The following PRKG1 variants were observed in gnomAD, a reference collection of about 807,000 sequenced individuals.
PRKG1 encodes cGMP-dependent protein kinase 1.
A neutral mutation model predicts 88.1 loss-of-function variants in PRKG1; 35 were observed. That is an observed-to-expected ratio of 0.40 (90% CI 0.30 to 0.53). PRKG1 has a LOEUF of 0.53. Ranked by LOEUF, PRKG1 falls within the 20% of genes least tolerant of loss-of-function variation. PRKG1 has a pLI of 0.59. For synonymous variants in PRKG1, 303 were observed against 292.5 expected, an observed-to-expected ratio of 1.04 and a Z score of -0.37; for missense variants, 540 against 839.8, an observed-to-expected ratio of 0.64 and a Z score of 4.41.
intron 1 of PRKG1, among the ~76,000 whole-genome samples, chr10:51,126,471 T>A (rs1488813475): frequency 1.4e-5 from 2 of 141,836 alleles, no homozygotes; most frequent in Non-Finnish European, 3.1e-5. Context: ...TTATTTATAA[T>A]TATATAATCT....
At chr10:51,105,332 A>G (rs1009371031) in intron 1 of PRKG1, among the ~76,000 whole-genome samples, 2 of 152,232 alleles carry the variant, frequency 1.3e-5, no homozygotes, top group African/African-American at 4.8e-5. Flanking sequence ...AAAATGGTAT[A>G]ATTTATTGGT....
chr10:51,053,140 G>T (rs1406298687), intron 1 of PRKG1, among the ~76,000 whole-genome samples: 8 of 152,032 alleles, frequency 5.3e-5, no homozygotes, highest in Admixed American at 5.2e-4. Flanking sequence ...TGAGGCAGGA[G>T]AATTGCTTGA....
intron 7 of PRKG1, among the ~76,000 whole-genome samples, chr10:52,095,599 C>T (rs935716881): frequency 1.3e-5 from 2 of 152,042 alleles, no homozygotes; most frequent in African/African-American, 4.8e-5. Context: ...CTAACAGTAG[C>T]CATTTAATAA....
intron 3 of PRKG1, among the ~76,000 whole-genome samples, chr10:51,558,997 G>C (rs1350238884): frequency 1.3e-5 from 2 of 152,050 alleles, no homozygotes; most frequent in African/African-American, 4.8e-5. Context: ...GAGAAAAAGA[G>C]AACAGAAGAG....
At chr10:51,159,971 A>G (rs1846318906) in intron 2 of PRKG1, among the ~76,000 whole-genome samples, 1 of 152,172 alleles carries the variant, frequency 6.6e-6, no homozygotes, top group South Asian at 2.1e-4. Flanking sequence ...TGATGGCAAG[A>G]ACCTTATCTC....
chr10:51,716,292 G>A (rs1185801006), intron 3 of PRKG1, among the ~76,000 whole-genome samples: 2 of 152,114 alleles, frequency 1.3e-5, no homozygotes, highest in African/African-American at 4.8e-5. Flanking sequence ...CGTCACCCCT[G>A]TTTTTGATAA....
intron 3 of PRKG1, among the ~76,000 whole-genome samples, chr10:51,607,160 AC>A (rs1838788239): frequency 6.6e-6 from 1 of 152,214 alleles, no homozygotes; most frequent in African/African-American, 2.4e-5. Context: ...GTAGACTCTC[AC>A]TGAGAGGCTT....
At chr10:51,570,067 A>ATATATGTGTGTGTGTGTG (rs1491310201) in intron 3 of PRKG1, among the ~76,000 whole-genome samples, 1 of 113,078 alleles carries the variant, frequency 8.8e-6, no homozygotes, top group African/African-American at 3.6e-5. Context: ...ATATATATAT[A>ATATATGTGTGTGTGTGTG]TGTGTGTGTG....
intron 3 of PRKG1, among the ~76,000 whole-genome samples, chr10:51,672,956 T>A (rs1407781314): frequency 6.6e-6 from 1 of 152,198 alleles, no homozygotes; most frequent in Non-Finnish European, 1.5e-5. Flanking sequence ...TGTTCAAGGA[T>A]CTCAGTTGTA....
At chr10:52,099,035 A>G (rs1847237462) in intron 7 of PRKG1, among the ~76,000 whole-genome samples, 1 of 152,220 alleles carries the variant, frequency 6.6e-6, no homozygotes, top group African/African-American at 2.4e-5. Flanking sequence ...TTCTTTGGCT[A>G]TATTTCTTAA....
chr10:51,259,128 G>A (rs746172788), intron 2 of PRKG1, among the ~76,000 whole-genome samples: 3 of 152,074 alleles, frequency 2.0e-5, no homozygotes, highest in East Asian at 3.9e-4. Context: ...TTAAAATACA[G>A]CATATTTTTG....
intron 1 of PRKG1, among the ~76,000 whole-genome samples, chr10:51,053,075 C>CA (rs1843584641): frequency 6.6e-6 from 1 of 151,912 alleles, no homozygotes; most frequent in Non-Finnish European, 1.5e-5. Context: ...ACTAAAAATA[C>CA]AAAAAACAAC....
chr10:51,035,816 G>A (rs868653723), intron 1 of PRKG1, among the ~76,000 whole-genome samples: 23 of 151,846 alleles, frequency 1.5e-4, no homozygotes, highest in African/African-American at 4.8e-4. Flanking sequence ...CTATTATCTA[G>A]CAATAACCAT....
At chr10:51,761,425 TG>T (rs377106044) in intron 3 of PRKG1, among the ~76,000 whole-genome samples, 46 of 152,334 alleles carry the variant, frequency 3.0e-4, no homozygotes, top group African/African-American at 1.0e-3. Flanking sequence ...AGTATCTAAC[TG>T]TGTAAATGGG....
At chr10:51,406,946 T>C (rs577863467) in intron 2 of PRKG1, among the ~76,000 whole-genome samples, 27 of 152,302 alleles carry the variant, frequency 1.8e-4, no homozygotes, top group Admixed American at 9.1e-4. Context: ...GTTCCAAAAC[T>C]GAAAAACTTG....
At chr10:52,013,751 T>G (rs1380383922) in intron 5 of PRKG1, among the ~76,000 whole-genome samples, 1 of 152,214 alleles carries the variant, frequency 6.6e-6, no homozygotes, top group African/African-American at 2.4e-5. Flanking sequence ...ATTTTAGAAA[T>G]AGCAGTGGCT....
chr10:51,751,935 CAAAT>C (rs1174434921), intron 3 of PRKG1, among the ~76,000 whole-genome samples: 2 of 151,966 alleles, frequency 1.3e-5, no homozygotes, highest in African/African-American at 4.8e-5. Context: ...GGATAATAAA[CAAAT>C]AGTCAGTGCA....
chr10:51,668,257 A>G (rs1205150808), intron 3 of PRKG1, among the ~76,000 whole-genome samples: 1 of 152,200 alleles, frequency 6.6e-6, no homozygotes, highest in Non-Finnish European at 1.5e-5. Flanking sequence ...AGCTGAATTG[A>G]AAACCACGTA....
chr10:51,339,583 T>G (rs1368792380), intron 2 of PRKG1, among the ~76,000 whole-genome samples: 2 of 151,846 alleles, frequency 1.3e-5, no homozygotes. Context: ...ACCGTAACAT[T>G]TTGTATACAT....
Sources: allele counts gnomAD v4.1 joint callset (sites outside exome capture counted in the v4.1 genomes callset), GRCh38; gene constraint gnomAD v4.1.1; transcripts MANE v1.5; gene names NCBI Gene and HGNC (gene_info 2026-07-23, HGNC 2026-07-21).